ARHGAP15: variants seen among roughly 807,000 people sequenced by gnomAD.
ARHGAP15 encodes Rho GTPase activating protein 15, also known as rho GTPase-activating protein 15.
A neutral mutation model predicts 63.7 loss-of-function variants in ARHGAP15; 51 were observed. That is an observed-to-expected ratio of 0.80 (90% CI 0.64 to 1.01). ARHGAP15 has a LOEUF of 1.01. ARHGAP15 is among the 50% of genes least tolerant of loss of function. ARHGAP15 has a pLI of 0.00. For missense variants in ARHGAP15, 560 were observed against 564.6 expected (o/e 0.99, Z 0.08); for synonymous variants, 191 against 193.8 (o/e 0.99, Z 0.12).
chr2:143,530,981 G>T (rs1694498087), intron 10 of ARHGAP15, among the ~76,000 whole-genome samples: 1 of 152,166 alleles, frequency 6.6e-6, no homozygotes, highest in Non-Finnish European at 1.5e-5. Flanking sequence ...GGAAGTTAAG[G>T]ATACAGCAAA....
chr2:143,596,155 G>A (rs1697509729), intron 11 of ARHGAP15, among the ~76,000 whole-genome samples: 1 of 152,092 alleles, frequency 6.6e-6, no homozygotes, highest in Admixed American at 6.6e-5. Context: ...GAATGGAAAT[G>A]TGGCCTAGCT....
chr2:143,658,244 T>G (rs1681560169), intron 12 of ARHGAP15, among the ~76,000 whole-genome samples: 1 of 152,212 alleles, frequency 6.6e-6, no homozygotes, highest in African/African-American at 2.4e-5. Context: ...CACTCTCTTA[T>G]AAGCTAGGTT....
rs779937774 is a variant in ARHGAP15, at chr2:143,129,424, G to A, written c.-57G>A. Reference sequence around the variant, plus strand: ...TTGTTGAAAGAGTCATTAACAGTTAGGAGTTGATGGCAGTTTCAATAACAG... The same window carrying A: ...TTGTTGAAAGAGTCATTAACAGTTAAGAGTTGATGGCAGTTTCAATAACAG... On this transcript the variant is annotated 5_prime_UTR_variant, in exon 1 of 14. Transcript: ENST00000295095. 1 of 151,562 alleles carries A rather than the reference G, an allele frequency of 6.6e-6. No homozygotes were observed. Among genetic ancestry groups the A allele is most frequent in the Admixed American group, 6.6e-5 (1 of 15,176 alleles). 9.4% of individuals were successfully genotyped at this position (151,562 alleles called of 1,614,324 possible).
At chr2:143,627,990 A>T (rs911788994) in intron 12 of ARHGAP15, among the ~76,000 whole-genome samples, 6 of 151,006 alleles carry the variant, frequency 4.0e-5, no homozygotes, top group Admixed American at 1.3e-4. Flanking sequence ...TCCCTCTCCC[A>T]TCTAGTTGTC....
intron 6 of ARHGAP15, chr2:143,305,298 G>C (rs1003566429): frequency 7.6e-5 from 10 of 131,518 alleles, no homozygotes; most frequent in African/African-American, 2.8e-4. Context: ...ACGGGGAGGG[G>C]AACATCACAC....
intron 2 of ARHGAP15, among the ~76,000 whole-genome samples, chr2:143,185,072 C>T (rs1691388026): frequency 1.3e-5 from 2 of 152,096 alleles, no homozygotes; most frequent in African/African-American, 4.8e-5. Flanking sequence ...GTAATAATTT[C>T]CTCTATATAA....
chr2:143,266,247 C>T (rs1680988203), intron 6 of ARHGAP15, among the ~76,000 whole-genome samples: 2 of 152,016 alleles, frequency 1.3e-5, no homozygotes, highest in Non-Finnish European at 2.9e-5. Flanking sequence ...ATATAAAATG[C>T]CCTTTTGATA....
At chr2:143,268,074 ACTC>A (rs1681085310) in intron 6 of ARHGAP15, among the ~76,000 whole-genome samples, 1 of 151,972 alleles carries the variant, frequency 6.6e-6, no homozygotes, top group Non-Finnish European at 1.5e-5. Context: ...AGTAAAAACT[ACTC>A]TAATTTTAGC....
chr2:143,327,158 T>C (rs541252726), intron 6 of ARHGAP15, among the ~76,000 whole-genome samples: 1 of 152,256 alleles, frequency 6.6e-6, no homozygotes, highest in African/African-American at 2.4e-5. Context: ...CCATTCACAA[T>C]TGCTACAAAG....
Position 143,557,534 on chromosome 2 carries a change from A to G in ARHGAP15, c.1003+1049A>G, listed in dbSNP as rs75257890. Among the ~76,000 whole-genome samples the G allele has an allele frequency of 7.4e-4, 112 of 152,236 alleles. 2 individuals carry two copies. The East Asian group carries it at 0.02, about 28-fold the overall frequency. On this transcript the variant is annotated intron_variant, in intron 11 of 13. Coordinates refer to ENST00000295095, the MANE Select transcript of ARHGAP15 (RefSeq NM_018460.4). ...TTTTGAGGGCAAACAATTCTGTATG[A>G]TGCTGTAATTACCCATACATGTCAT...
chr2:143,487,367 C>T lies in ARHGAP15; in HGVS notation c.704-6C>T. ...CCAAAAGCCTCTGATTTTTTTAAAT[C>T]TTCAGTGTTCAGACTGCATCACAGT... On this transcript the variant is annotated splice_polypyrimidine_tract_variant and splice_region_variant and intron_variant, in intron 8 of 13. Transcript: ENST00000295095. 2 of 1,591,898 alleles carry T rather than the reference C, an allele frequency of 1.3e-6. No individual in the cohort carries two copies. Among genetic ancestry groups the T allele is most frequent in the Admixed American group, 1.8e-5 (1 of 54,068 alleles).
chr2:143,497,998 G>T, intron 9 of ARHGAP15, among the ~76,000 whole-genome samples: 1 of 152,078 alleles, frequency 6.6e-6, no homozygotes, highest in East Asian at 1.9e-4. Flanking sequence ...AGACTGCTAC[G>T]AGCAAAGGAA....
intron 12 of ARHGAP15, among the ~76,000 whole-genome samples, chr2:143,685,125 T>G (rs931025134): frequency 6.6e-6 from 1 of 152,152 alleles, no homozygotes; most frequent in African/African-American, 2.4e-5. Context: ...GTTTTGAATG[T>G]TGCAGGAAAG....
rs553410088 is a variant in ARHGAP15, at chr2:143,674,468, G to T, written c.1139-28951G>T. Among the ~76,000 whole-genome samples the T allele has an allele frequency of 4.6e-5, 7 of 152,286 alleles. No individual in the cohort carries two copies. In the East Asian group the frequency reaches 1.4e-3, roughly 29 times the overall value. On this transcript the variant is annotated intron_variant, in intron 12 of 13. Coordinates refer to ENST00000295095, the MANE Select transcript of ARHGAP15 (RefSeq NM_018460.4). ...ATCAGAACAATAGTTGCATATGAGG[G>T]AGATGGAGATTGACTGGAAAGATGT...
At chr2:143,656,238 C>T (rs938255437) in intron 12 of ARHGAP15, 1 of 152,174 alleles carries the variant, frequency 6.6e-6, no homozygotes, top group Non-Finnish European at 1.5e-5. Flanking sequence ...AAATAACTAT[C>T]AATAAATGTT....
intron 11 of ARHGAP15, among the ~76,000 whole-genome samples, chr2:143,561,115 T>C (rs1696002512): frequency 6.6e-6 from 1 of 152,210 alleles, no homozygotes; most frequent in East Asian, 1.9e-4. Context: ...ATGCTGCATG[T>C]CTTGAGAACT....
chr2:143,343,571 T>G (rs961727137), intron 6 of ARHGAP15, among the ~76,000 whole-genome samples: 3 of 152,054 alleles, frequency 2.0e-5, no homozygotes, highest in Non-Finnish European at 2.9e-5. Flanking sequence ...GTTGGCAGTG[T>G]GGGGGGATGG....
At chr2:143,721,540 G>A (rs928663817) in intron 13 of ARHGAP15, among the ~76,000 whole-genome samples, 1 of 152,190 alleles carries the variant, frequency 6.6e-6, no homozygotes, top group Non-Finnish European at 1.5e-5. Context: ...AGCCAAAAGT[G>A]TCTGACTCTC....
chr2:143,249,329 T>G (rs886304666), intron 5 of ARHGAP15, among the ~76,000 whole-genome samples: 1 of 152,094 alleles, frequency 6.6e-6, no homozygotes, highest in Non-Finnish European at 1.5e-5. Flanking sequence ...AAAAAACAAA[T>G]TTCTGGCTTC....
Sources: gnomAD v4.1 joint callset for allele counts (sites outside exome capture counted in the v4.1 genomes callset) on GRCh38, gnomAD v4.1.1 for gene constraint, MANE v1.5 for transcripts, NCBI Gene and HGNC (gene_info 2026-07-23, HGNC 2026-07-21) for gene names.